SORCS3: variants seen among roughly 807,000 people sequenced by gnomAD.
SORCS3 encodes the protein VPS10 domain-containing receptor SorCS3.
Under a neutral mutation model 146.3 loss-of-function variants are expected in SORCS3, and 57 were observed. The ratio of observed to expected loss-of-function variants is 0.39; its 90% CI spans 0.31 to 0.49. SORCS3 has a LOEUF of 0.49. SORCS3 is among the 20% of genes least tolerant of loss of function. The pLI is 0.92. For missense variants in SORCS3, 1,341 were observed against 1,575.5 expected (o/e 0.85, Z 2.52); for synonymous variants, 653 against 618.5 (o/e 1.06, Z -0.83).
At chr10:104,725,922 C>T (rs905521278) in intron 1 of SORCS3, among the ~76,000 whole-genome samples, 1 of 152,254 alleles carries the variant, frequency 6.6e-6, no homozygotes, top group African/African-American at 2.4e-5. Flanking sequence ...CCTTGCGCTT[C>T]CCGGGTGAGG....
At chr10:104,694,334 A>G (rs1483748948) in intron 1 of SORCS3, among the ~76,000 whole-genome samples, 1 of 151,620 alleles carries the variant, frequency 6.6e-6, no homozygotes, top group Non-Finnish European at 1.5e-5. Context: ...TTGGAAGCAG[A>G]TGGTTCAAAT....
At chr10:105,039,523 C>A (rs1195138464) in intron 4 of SORCS3, among the ~76,000 whole-genome samples, 1 of 129,440 alleles carries the variant, frequency 7.7e-6, no homozygotes, top group East Asian at 2.3e-4. Flanking sequence ...GTGGTGTGAT[C>A]TTGGCTCACT....
intron 4 of SORCS3, among the ~76,000 whole-genome samples, chr10:105,000,946 A>G (rs1413191438): frequency 6.6e-6 from 1 of 152,142 alleles, no homozygotes; most frequent in African/African-American, 2.4e-5. Flanking sequence ...ATACTGCTTT[A>G]TTTTTGAGGT....
chr10:105,138,769 G>A (rs1484450903), intron 7 of SORCS3, among the ~76,000 whole-genome samples: 1 of 152,182 alleles, frequency 6.6e-6, no homozygotes, highest in Non-Finnish European at 1.5e-5. Context: ...AGATAACAGA[G>A]TTCAGACTCA....
intron 11 of SORCS3, among the ~76,000 whole-genome samples, chr10:105,160,177 G>A (rs755119762): frequency 6.6e-6 from 1 of 152,316 alleles, no homozygotes; most frequent in African/African-American, 2.4e-5. Flanking sequence ...AGGGATGAAT[G>A]ATAAAAGTTA....
chr10:104,841,693 A>G (rs554422262), intron 1 of SORCS3, among the ~76,000 whole-genome samples: 1 of 152,284 alleles, frequency 6.6e-6, no homozygotes, highest in South Asian at 2.1e-4. Context: ...ATGGATACCT[A>G]GAATGGGAAA....
chr10:105,045,526 CA>C lies in SORCS3; in HGVS notation c.1028+2399del, dbSNP rs1205493193. On this transcript the variant is annotated intron_variant, in intron 5 of 26. Transcript: ENST00000369701. ...GGCAAAAGAGCTTATTTTACATAGACATTTTTTTTTAATCCAAAGACAGAAT... is the reference window on the plus strand; with the variant it reads ...GGCAAAAGAGCTTATTTTACATAGACTTTTTTTTTAATCCAAAGACAGAAT... Among the ~76,000 whole-genome samples the C allele has an allele frequency of 3.3e-5, 5 of 151,928 alleles. No individual in the cohort carries two copies. In the East Asian group the frequency reaches 9.7e-4, roughly 29 times the overall value.
intron 9 of SORCS3, among the ~76,000 whole-genome samples, chr10:105,154,929 G>A (rs2056195701): frequency 6.6e-6 from 1 of 152,170 alleles, no homozygotes. Flanking sequence ...AGCCAAAAAA[G>A]TGATTCAGTA....
chr10:105,128,849 T>G (rs1204040562), intron 7 of SORCS3, among the ~76,000 whole-genome samples: 1 of 152,216 alleles, frequency 6.6e-6, no homozygotes, highest in Non-Finnish European at 1.5e-5. Flanking sequence ...TAGAGCATTT[T>G]CTGGTTACAT....
intron 26 of SORCS3, 71 bp downstream of exon 26, chr10:105,262,562 C>G: frequency 6.7e-7 from 1 of 1,486,956 alleles, no homozygotes; most frequent in African/African-American, 1.4e-5. Flanking sequence ...CATCTGTCCC[C>G]CATACATTAC....
chr10:104,862,863 T>C (rs1010605682), intron 2 of SORCS3, among the ~76,000 whole-genome samples: 3 of 148,646 alleles, frequency 2.0e-5, no homozygotes, highest in Non-Finnish European at 4.4e-5. Context: ...GTTACATTCC[T>C]TCTTAGATTT....
At chr10:105,114,073 G>T (rs1479113030) in intron 7 of SORCS3, among the ~76,000 whole-genome samples, 2 of 152,102 alleles carry the variant, frequency 1.3e-5, no homozygotes, top group Non-Finnish European at 2.9e-5. Flanking sequence ...TTAGTAATAA[G>T]ATTCATACCC....
chr10:105,180,034 T>C (rs193045763), intron 14 of SORCS3, among the ~76,000 whole-genome samples: 13 of 152,312 alleles, frequency 8.5e-5, no homozygotes, highest in Admixed American at 5.9e-4. Flanking sequence ...ATCCATTGAT[T>C]TGGAGAATTT....
At position 105,031,332 on chromosome 10, in the gene SORCS3, A is replaced by AC. The variant is rs2055265871; in HGVS notation, c.955-11723_955-11722insC. On this transcript the variant is annotated intron_variant, in intron 4 of 26. Coordinates refer to ENST00000369701, the MANE Select transcript of SORCS3 (RefSeq NM_014978.3). ...CAAACAAACAACACACACACACACA[A>AC]ACACACACACACACACACACACACA... Among the ~76,000 whole-genome samples the AC allele has an allele frequency of 4.8e-3, 544 of 113,554 alleles. 6 individuals carry two copies. The highest frequency in any genetic ancestry group is 0.015 in the African/African-American group (502 of 33,642). 74.5% of individuals were successfully genotyped at this position (113,554 alleles called of 152,430 possible). A position where few individuals can be genotyped will look rare whatever the true frequency, so the allele number is the denominator to read the frequency against.
At chr10:104,807,859 C>T (rs2017696536) in intron 1 of SORCS3, among the ~76,000 whole-genome samples, 2 of 152,188 alleles carry the variant, frequency 1.3e-5, no homozygotes, top group Admixed American at 1.3e-4. Context: ...AATTTACTTT[C>T]AAATCTGGTT....
intron 1 of SORCS3, among the ~76,000 whole-genome samples, chr10:104,698,104 A>G (rs1317539831): frequency 1.3e-5 from 2 of 152,246 alleles, no homozygotes; most frequent in Non-Finnish European, 2.9e-5. Flanking sequence ...CTAGGAAGTC[A>G]TGGACCATGT....
At chr10:105,244,842 G>T (rs1341983951) in intron 20 of SORCS3, among the ~76,000 whole-genome samples, 1 of 152,052 alleles carries the variant, frequency 6.6e-6, no homozygotes, top group Non-Finnish European at 1.5e-5. Flanking sequence ...ACTGAGGTGG[G>T]TGGATTGCCT....
intron 1 of SORCS3, among the ~76,000 whole-genome samples, chr10:104,794,933 T>G (rs11192191): frequency 0.23 from 35,121 of 151,116 alleles, 4,201 homozygotes; most frequent in Admixed American, 0.31. Context: ...GTGTGGTAAA[T>G]GGAGATGAGT....
intron 3 of SORCS3, among the ~76,000 whole-genome samples, chr10:104,963,236 A>T (rs2054806256): frequency 6.6e-6 from 1 of 152,134 alleles, no homozygotes; most frequent in Non-Finnish European, 1.5e-5. Flanking sequence ...CTCGTTCCAT[A>T]TTGCCACATT....
Sources: allele counts gnomAD v4.1 joint callset (sites outside exome capture counted in the v4.1 genomes callset), GRCh38; gene constraint gnomAD v4.1.1; transcripts MANE v1.5; gene names NCBI Gene and HGNC (gene_info 2026-07-23, HGNC 2026-07-21).